The following ANO3 variants were observed in gnomAD, a reference collection of about 807,000 sequenced individuals.
ANO3 encodes the protein anoctamin-3.
A neutral mutation model predicts 144.8 loss-of-function variants in ANO3; 99 were observed. The observed-to-expected ratio is 0.68, with a 90% CI of 0.58 to 0.81. The LOEUF is 0.81. Among genes scored for constraint, ANO3 ranks in the 30% least tolerant of loss-of-function variants. ANO3 has a pLI of 0.00. For synonymous variants in ANO3, 414 were observed against 392.6 expected (o/e 1.05, Z -0.64); for missense variants, 905 against 1,202.2 (o/e 0.75, Z 3.66).
At chr11:26,496,553 A>T (rs1412288701) in intron 4 of ANO3, among the ~76,000 whole-genome samples, 2 of 152,054 alleles carry the variant, frequency 1.3e-5, no homozygotes, top group Non-Finnish European at 2.9e-5. Context: ...GTTTTTATAG[A>T]TTTAGGAATA....
intron 1 of ANO3, among the ~76,000 whole-genome samples, chr11:26,371,457 C>T (rs1383595196): frequency 1.3e-5 from 2 of 152,192 alleles, no homozygotes; most frequent in African/African-American, 4.8e-5. Flanking sequence ...CACACAGAGT[C>T]CCACTGGGGA....
At chr11:26,436,788 C>G (rs1858311589) in intron 1 of ANO3, among the ~76,000 whole-genome samples, 1 of 152,182 alleles carries the variant, frequency 6.6e-6, no homozygotes, top group African/African-American at 2.4e-5. Context: ...CAGTCCTCCC[C>G]TCTCTCTGGG....
chr11:26,520,725 G>T (rs1364697665), intron 6 of ANO3, among the ~76,000 whole-genome samples: 1 of 152,012 alleles, frequency 6.6e-6, no homozygotes, highest in Non-Finnish European at 1.5e-5. Flanking sequence ...AATGACCTGG[G>T]AAGTAATAAA....
intron 3 of ANO3, among the ~76,000 whole-genome samples, chr11:26,449,487 TCACACA>T (rs765372417): frequency 3.6e-5 from 1 of 28,076 alleles, no homozygotes; most frequent in African/African-American, 7.6e-5. Flanking sequence ...TCTCTCTCTC[TCACACA>T]CACACACACA....
At chr11:26,229,434 T>C (rs1200950070) in intron 1 of ANO3, among the ~76,000 whole-genome samples, 1 of 152,208 alleles carries the variant, frequency 6.6e-6, no homozygotes, top group Non-Finnish European at 1.5e-5. Flanking sequence ...TAACTCAGTA[T>C]ATTAATATTT....
chr11:26,293,130 A>G (rs771873885), intron 1 of ANO3, among the ~76,000 whole-genome samples: 4 of 152,174 alleles, frequency 2.6e-5, no homozygotes, highest in Non-Finnish European at 5.9e-5. Flanking sequence ...TATATTTAAT[A>G]CCCATTTTAA....
chr11:26,290,229 T>C (rs1853924094), intron 1 of ANO3, among the ~76,000 whole-genome samples: 1 of 152,186 alleles, frequency 6.6e-6, no homozygotes, highest in Non-Finnish European at 1.5e-5. Context: ...TGATGGTAGT[T>C]TGTATTTCCG....
chr11:26,524,632 G>C (rs748580365), intron 6 of ANO3, among the ~76,000 whole-genome samples: 1 of 152,128 alleles, frequency 6.6e-6, no homozygotes, highest in African/African-American at 2.4e-5. Context: ...TGAGCATGTA[G>C]AGAAAATTAT....
chr11:26,278,169 A>T (rs1853599268), intron 1 of ANO3, among the ~76,000 whole-genome samples: 1 of 152,070 alleles, frequency 6.6e-6, no homozygotes, highest in South Asian at 2.1e-4. Flanking sequence ...GTCATTACTG[A>T]CACACCGTTT....
intron 11 of ANO3, among the ~76,000 whole-genome samples, chr11:26,544,882 A>T (rs1026162350): frequency 2.6e-5 from 4 of 152,024 alleles, no homozygotes; most frequent in African/African-American, 9.6e-5. Flanking sequence ...TTCTTAAAAA[A>T]TTATATTTTT....
chr11:26,556,392 C>T lies in ANO3; in HGVS notation c.1386+3047C>T, dbSNP rs548416221. On this transcript the variant is annotated intron_variant, in intron 13 of 26. Coordinates refer to ENST00000256737, the MANE Select transcript of ANO3 (RefSeq NM_031418.4). ...ACATGTACTCAATACCCAGTATGAA[C>T]CTCAGACTGTATACTGATTTGAGGT... is the stretch of plus-strand genomic sequence containing the variant. Among the ~76,000 whole-genome samples, 16 of 97,890 alleles carry T rather than the reference C, an allele frequency of 1.6e-4. No individual in the cohort carries two copies. In the South Asian group the frequency reaches 5.7e-3, roughly 35 times the overall value. The allele number at this position is 97,890 out of a possible 152,430, so 64.2% of individuals were successfully genotyped here.
intron 1 of ANO3, among the ~76,000 whole-genome samples, chr11:26,262,651 G>C (rs1853216135): frequency 6.6e-6 from 1 of 151,826 alleles, no homozygotes; most frequent in African/African-American, 2.4e-5. Flanking sequence ...GACAGTATTA[G>C]GACCTGTGAG....
chr11:26,506,717 A>G (rs537835020), intron 4 of ANO3, among the ~76,000 whole-genome samples: 57 of 152,152 alleles, frequency 3.7e-4, no homozygotes, highest in Admixed American at 5.9e-4. Context: ...CTTGAACTTA[A>G]TCTCTCTGCA....
At chr11:26,191,720 A>G (rs1302039608) in intron 1 of ANO3, among the ~76,000 whole-genome samples, 1 of 152,176 alleles carries the variant, frequency 6.6e-6, no homozygotes, top group Non-Finnish European at 1.5e-5. Context: ...AATAATCTTC[A>G]ATAATTATTT....
At chr11:26,462,860 T>G (rs1177236824) in intron 3 of ANO3, among the ~76,000 whole-genome samples, 170 bp from the exon 4 acceptor site, 1 of 151,868 alleles carries the variant, frequency 6.6e-6, no homozygotes, top group African/African-American at 2.4e-5. Flanking sequence ...ATGTGCTTAT[T>G]TATTGAATGT....
At chr11:26,195,020 T>G (rs1326806455) in intron 1 of ANO3, among the ~76,000 whole-genome samples, 1 of 152,224 alleles carries the variant, frequency 6.6e-6, no homozygotes, top group Non-Finnish European at 1.5e-5. Flanking sequence ...AATGTCAGAC[T>G]GCAAAGAAAA....
At chr11:26,563,344 T>G (rs1850372689) in intron 14 of ANO3, 1 of 1,365,342 alleles carries the variant, frequency 7.3e-7, no homozygotes, top group Admixed American at 2.4e-5. Flanking sequence ...ACTTTCCATA[T>G]AACAAAGAAT....
intron 18 of ANO3, among the ~76,000 whole-genome samples, chr11:26,629,027 A>C (rs533733836): frequency 6.6e-6 from 1 of 152,090 alleles, no homozygotes; most frequent in Non-Finnish European, 1.5e-5. Flanking sequence ...CTCTTGGTGA[A>C]GGCAAGTCAG....
intron 14 of ANO3, among the ~76,000 whole-genome samples, chr11:26,595,817 G>C (rs1851609983): frequency 6.6e-6 from 1 of 152,180 alleles, no homozygotes; most frequent in Non-Finnish European, 1.5e-5. Context: ...GAGTTAGTAA[G>C]CTACTTTTTT....
Sources: allele counts gnomAD v4.1 joint callset (sites outside exome capture counted in the v4.1 genomes callset), GRCh38; gene constraint gnomAD v4.1.1; transcripts MANE v1.5; gene names NCBI Gene and HGNC (gene_info 2026-07-23, HGNC 2026-07-21).